The following PDXDC1 variants were observed in gnomAD, a reference collection of about 807,000 sequenced individuals.
The protein encoded by PDXDC1 is pyridoxal dependent decarboxylase domain containing 1.
Under a neutral mutation model 100.1 loss-of-function variants are expected in PDXDC1, and 42 were observed. That is an observed-to-expected ratio of 0.42 (90% CI 0.33 to 0.54). The LOEUF (loss-of-function observed/expected upper bound fraction) is 0.54. Among genes scored for constraint, PDXDC1 ranks in the 20% least tolerant of loss-of-function variants. The pLI is 0.10. For missense variants in PDXDC1, 636 were observed against 979.2 expected, an observed-to-expected ratio of 0.65 and a Z score of 4.68; for synonymous variants, 260 against 371.7, an observed-to-expected ratio of 0.70 and a Z score of 3.46.
rs1303076096 is a variant in PDXDC1 at position 15,115,009 on chromosome 16, C to T, written c.1400-23870C>T. 6.1e-5 allele frequency among the ~76,000 whole-genome samples: 9 copies of T among 148,168 alleles called. 1 individual carries two copies. The highest frequency in any genetic ancestry group is 2.2e-4 in the African/African-American group (9 of 40,072). Reference sequence around the variant, plus strand: ...GGAGTGCAGTGGTGCAATCTCGGCTCGCTACAACCTCCAGCTCCTGGGCTC... The same window carrying T: ...GGAGTGCAGTGGTGCAATCTCGGCTTGCTACAACCTCCAGCTCCTGGGCTC... On this transcript the variant is annotated intron_variant, in intron 16 of 16. Coordinates refer to the PDXDC1 transcript ENST00000535621.
downstream of PDXDC1, among the ~76,000 whole-genome samples, chr16:15,139,965 G>A (rs552109165): frequency 1.1e-4 from 16 of 150,584 alleles, no homozygotes; most frequent in Non-Finnish European, 1.5e-4. Flanking sequence ...GCGTGGTGGC[G>A]GGAGCCTGTT....
At chr16:15,038,824 A>AAGCTGCC, downstream of PDXDC1, 1 of 581,174 alleles carries the variant, frequency 1.7e-6, no homozygotes, top group African/African-American at 1.9e-5. Flanking sequence ...CAAATAACAA[A>AAGCTGCC]AGCTGCCAGC....
chr16:15,147,986 GTTTT>G, the PDXDC1 span, among the ~76,000 whole-genome samples: 2 of 151,024 alleles, frequency 1.3e-5, no homozygotes, highest in Non-Finnish European at 3.0e-5. Context: ...CGCCCACCCT[GTTTT>G]TTTGTTTTGT....
downstream of PDXDC1, among the ~76,000 whole-genome samples, chr16:15,043,152 G>C (rs2043898229): frequency 6.6e-6 from 1 of 152,062 alleles, no homozygotes; most frequent in African/African-American, 2.4e-5. Context: ...GGCCTGCCTT[G>C]AACTCCCAAA....
At chr16:15,064,260 C>T (rs1278912434) in intron 16 of PDXDC1, among the ~76,000 whole-genome samples, 2 of 152,048 alleles carry the variant, frequency 1.3e-5, no homozygotes, top group Non-Finnish European at 2.9e-5. Flanking sequence ...ACTGCAACCT[C>T]CACCTCCCGG....
intron 1 of PDXDC1, among the ~76,000 whole-genome samples, chr16:14,987,437 G>A (rs371082673): frequency 3.3e-3 from 498 of 152,232 alleles, no homozygotes; most frequent in African/African-American, 0.011. Context: ...GTGTAGAGGC[G>A]TTAATTATTA....
At chr16:15,068,263 G>C in intron 16 of PDXDC1, 1 of 1,573,206 alleles carries the variant, frequency 6.4e-7, no homozygotes. Context: ...TTCAGACTCT[G>C]AAGATACTGC....
At chr16:15,056,395 C>G (rs190859729) in intron 16 of PDXDC1, among the ~76,000 whole-genome samples, 2 of 152,350 alleles carry the variant, frequency 1.3e-5, no homozygotes, top group East Asian at 1.9e-4. Flanking sequence ...GGTCATTGCT[C>G]CACGCTTCCC....
chr16:15,028,584 G>C (rs2042806072), intron 14 of PDXDC1, among the ~76,000 whole-genome samples: 1 of 152,302 alleles, frequency 6.6e-6, no homozygotes, highest in African/African-American at 2.4e-5. Flanking sequence ...CACGGTGCTT[G>C]GTAAACTAGT....
In PDXDC1 at chr16:15,078,834, CAG is replaced by C. The variant is rs1490313861; in HGVS notation, c.1399+48781_1399+48782del. ...TTTCTTTTTTTTTTTTTTTTTGAGA[CAG>C]AGTCTTGCTCTGTCACCCAGGCTGG... is the stretch of plus-strand genomic sequence containing the variant. On this transcript the variant is annotated intron_variant, in intron 16 of 16. Transcript: ENST00000535621. 2.2e-5 allele frequency among the ~76,000 whole-genome samples: 3 copies of C among 135,832 alleles called. 1 individual carries two copies. The highest frequency in any genetic ancestry group is 2.3e-4 in the South Asian group (1 of 4,306). 89.1% of individuals were successfully genotyped at this position (135,832 alleles called of 152,430 possible).
At chr16:14,986,810 G>C (rs1265357523) in intron 1 of PDXDC1, among the ~76,000 whole-genome samples, 4 of 152,274 alleles carry the variant, frequency 2.6e-5, no homozygotes, top group African/African-American at 9.6e-5. Context: ...GCAGTGGCGC[G>C]TTCTTGGCTA....
At chr16:15,090,092 C>A (rs2046072503) in intron 16 of PDXDC1, among the ~76,000 whole-genome samples, 1 of 151,950 alleles carries the variant, frequency 6.6e-6, no homozygotes, top group South Asian at 2.1e-4. Context: ...TGCCTGTAAT[C>A]TCAGCTATTT....
At chr16:15,032,812 A>C (rs763703438) in intron 17 of PDXDC1, 49 bp from the exon 18 acceptor site, 2 of 1,016,470 alleles carry the variant, frequency 2.0e-6, no homozygotes, top group Non-Finnish European at 3.1e-6. Context: ...GTATCAGAAG[A>C]GACATTTGAT....
At chr16:15,046,426 T>A (rs1213015489) in intron 16 of PDXDC1, among the ~76,000 whole-genome samples, 4 of 152,108 alleles carry the variant, frequency 2.6e-5, no homozygotes, top group Non-Finnish European at 4.4e-5. Flanking sequence ...AGCAGGCCTG[T>A]GTCGTCGGCC....
rs1597857355 is a variant in PDXDC1, at chr16:15,061,610, G to C, written c.1399+31554G>C. 5 of 718,738 alleles carry C rather than the reference G, an allele frequency of 7.0e-6. No homozygotes were observed. In the East Asian group the frequency reaches 1.3e-4, roughly 19 times the overall value. 44.5% of individuals were successfully genotyped at this position (718,738 alleles called of 1,614,324 possible). On this transcript the variant is annotated intron_variant, in intron 16 of 16. Transcript: ENST00000535621. ...TCAGATGCTTGATTCAGTCGAACCT[G>C]GAAGTGCCACAGCCGAGGCAGGCAC...
chr16:15,055,158 G>A (rs2151737800), intron 16 of PDXDC1, among the ~76,000 whole-genome samples: 1 of 152,268 alleles, frequency 6.6e-6, no homozygotes, highest in Admixed American at 6.5e-5. Context: ...ATGGCAAATA[G>A]GACGTCTGCC....
chr16:15,111,071 T>A (rs994501935), intron 16 of PDXDC1, among the ~76,000 whole-genome samples: 1 of 148,676 alleles, frequency 6.7e-6, no homozygotes, highest in African/African-American at 2.4e-5. Flanking sequence ...GAGGTTGCAG[T>A]GAGCGGAGAT....
chr16:15,007,598 C>T (rs528583271), intron 6 of PDXDC1, among the ~76,000 whole-genome samples: 2 of 152,394 alleles, frequency 1.3e-5, no homozygotes, highest in African/African-American at 4.8e-5. Flanking sequence ...TTGGAGGGTT[C>T]CTCTTTTGTA....
chr16:15,126,323 C>G (rs2047724887), intron 16 of PDXDC1, among the ~76,000 whole-genome samples: 1 of 110,866 alleles, frequency 9.0e-6, no homozygotes, highest in Non-Finnish European at 2.0e-5. Flanking sequence ...AGGTGTGAGC[C>G]ACCACACCCG....
Sources: gnomAD v4.1 joint callset for allele counts (sites outside exome capture counted in the v4.1 genomes callset) on GRCh38, gnomAD v4.1.1 for gene constraint, MANE v1.5 for transcripts, NCBI Gene and HGNC (gene_info 2026-07-23, HGNC 2026-07-21) for gene names.